WDFY3: variants seen among roughly 807,000 people sequenced by gnomAD.
The protein encoded by WDFY3 is WD repeat and FYVE domain-containing protein 3.
Under a neutral mutation model 409.6 loss-of-function variants are expected in WDFY3, and 66 were observed. That is an observed-to-expected ratio of 0.16 (90% CI 0.13 to 0.20). The LOEUF (loss-of-function observed/expected upper bound fraction) is 0.20, where lower values mean the gene tolerates loss of function less well. Among genes scored for constraint, WDFY3 ranks in the 10% least tolerant of loss-of-function variants. WDFY3 has a pLI of 1.00. For synonymous variants in WDFY3, 1,521 were observed against 1,537.1 expected (o/e 0.99, Z 0.25); for missense variants, 3,031 against 4,298.1 (o/e 0.71, Z 8.24).
chr4:84,786,075 C>G lies in WDFY3; in HGVS notation c.3966G>C (p.Val1322=), dbSNP rs761556122. 3 of 1,613,706 alleles carry G rather than the reference C, an allele frequency of 1.9e-6. No homozygotes were observed. The Admixed American group carries it at 5.0e-5, about 27-fold the overall frequency. The change falls in exon 24 of 68, where the codon GTG becomes GTC. Residue 1322 remains valine, a synonymous_variant. Transcript: ENST00000295888. ...CAGAGAGTGCATAGAGGCCAAATGA[C>G]ACTTTCTCCTCTGGTACTAATGACA... ...SPVSLVPEEK[V]SFGLYALSVS...
intron 36 of WDFY3, among the ~76,000 whole-genome samples, chr4:84,745,676 GA>G (rs1739307587): frequency 6.6e-6 from 1 of 152,108 alleles, no homozygotes; most frequent in Non-Finnish European, 1.5e-5. Context: ...CAGTGCTTAG[GA>G]GTTTGGTTTG....
At chr4:84,938,223 G>A (rs1579208168) in intron 1 of WDFY3, among the ~76,000 whole-genome samples, 1 of 152,046 alleles carries the variant, frequency 6.6e-6, no homozygotes, top group African/African-American at 2.4e-5. Context: ...TAAATAAACA[G>A]TTACTCTCTT....
At chr4:84,759,066 T>C (rs1003995373) in intron 32 of WDFY3, among the ~76,000 whole-genome samples, 2 of 152,200 alleles carry the variant, frequency 1.3e-5, no homozygotes, top group African/African-American at 4.8e-5. Context: ...AGGGAATCCT[T>C]TCCCCATTGC....
chr4:84,882,351 ATC>A (rs1322756320), intron 3 of WDFY3, among the ~76,000 whole-genome samples: 2 of 152,148 alleles, frequency 1.3e-5, no homozygotes, highest in Non-Finnish European at 2.9e-5. Flanking sequence ...GAGGTCAGTA[ATC>A]TGTTTCTTTA....
chr4:84,873,785 T>A (rs1043497080), intron 3 of WDFY3, among the ~76,000 whole-genome samples: 16 of 151,182 alleles, frequency 1.1e-4, no homozygotes, highest in Non-Finnish European at 1.8e-4. Context: ...TTTTTTTTTG[T>A]TTGTTTGTTT....
At position 84,810,271 on chromosome 4, in the gene WDFY3, A is replaced by G. The variant is rs1326857457; in HGVS notation, c.1961T>C (p.Ile654Thr). 1 of 1,613,784 alleles carries G rather than the reference A, an allele frequency of 6.2e-7. No individual in the cohort carries two copies. Among genetic ancestry groups the G allele is most frequent in the Admixed American group, 1.7e-5 (1 of 59,944 alleles). ...TTCCATAGCAACGAGCAAGGATGTA[A>G]TGTACACAAATCCTCCAACTTTCCT... The part of the protein sequence containing the change: ...VFRKVGGFVY[I>T]TSLLVAMERS... Residue 654 changes from isoleucine (I) to threonine (T), a missense_variant, in exon 14 of 68, where the codon ATT becomes ACT. Coordinates refer to ENST00000295888, the MANE Select transcript of WDFY3 (RefSeq NM_014991.6).
chr4:84,932,599 T>C (rs914698743), intron 1 of WDFY3, among the ~76,000 whole-genome samples: 1 of 152,216 alleles, frequency 6.6e-6, no homozygotes, highest in African/African-American at 2.4e-5. Context: ...ATTTTACTGA[T>C]AAGGAAACTT....
At chr4:84,831,185 C>CAAAAA (rs56810528) in intron 8 of WDFY3, among the ~76,000 whole-genome samples, 1 of 103,318 alleles carries the variant, frequency 9.7e-6, no homozygotes, top group Non-Finnish European at 1.8e-5. Flanking sequence ...AGACTCCATC[C>CAAAAA]AAAAAAAAAA....
intron 24 of WDFY3, among the ~76,000 whole-genome samples, chr4:84,785,633 T>C (rs1052231466): frequency 2.0e-5 from 3 of 152,234 alleles, no homozygotes; most frequent in Admixed American, 2.0e-4. Context: ...TGTCCTGAAC[T>C]GAATGTCACC....
chr4:84,746,223 G>C (rs1739427470), intron 36 of WDFY3, among the ~76,000 whole-genome samples: 1 of 151,714 alleles, frequency 6.6e-6, no homozygotes, highest in Admixed American at 6.6e-5. Context: ...AGGCTGAGTT[G>C]GGAGGATTGA....
chr4:84,677,155 G>C, intron 67 of WDFY3, 44 bp downstream of exon 67: 4 of 1,608,462 alleles, frequency 2.5e-6, no homozygotes, highest in Non-Finnish European at 3.4e-6. Flanking sequence ...AACAACCTTA[G>C]AGCTTAATCA....
chr4:84,817,512 G>A lies in WDFY3; in HGVS notation c.1767C>T (p.Ala589=). 1.2e-6 allele frequency: 2 copies of A among 1,613,828 alleles called. No homozygotes were observed. Among genetic ancestry groups the A allele is most frequent in the Non-Finnish European group, 1.7e-6 (2 of 1,179,824 alleles). The change falls in exon 13 of 68, where the codon GCC becomes GCT. Residue 589 remains alanine, a synonymous_variant. Coordinates refer to ENST00000295888, the MANE Select transcript of WDFY3 (RefSeq NM_014991.6). ...GCACCAGCTGTTGGATAGTCATCAA[G>A]GCATGCTGCCGGCATTGAGGGTACT... is the stretch of plus-strand genomic sequence containing the variant. ...IVKYPQCRQH[A]LMTIQQLVLS...
rs936425611 is a variant in WDFY3 at position 84,750,469 on chromosome 4, CA to C, written c.5973+1013del. Among the ~76,000 whole-genome samples the C allele has an allele frequency of 8.3e-3, 1,154 of 139,320 alleles. 10 individuals carry two copies. The highest frequency in any genetic ancestry group is 0.024 in the African/African-American group (907 of 38,122). The allele number at this position is 139,320 out of a possible 152,430, so 91.4% of individuals were successfully genotyped here. Reference sequence around the variant, plus strand: ...ACTGTACTAGCCACTAGAGGGAGCACAAAAAAAAAAAATCTCAGGTTCAGCT... The same window carrying C: ...ACTGTACTAGCCACTAGAGGGAGCACAAAAAAAAAAATCTCAGGTTCAGCT... On this transcript the variant is annotated intron_variant, in intron 36 of 67. Transcript: ENST00000295888.
At chr4:84,935,756 A>T (rs971102525) in intron 1 of WDFY3, among the ~76,000 whole-genome samples, 2 of 152,190 alleles carry the variant, frequency 1.3e-5, no homozygotes, top group African/African-American at 4.8e-5. Flanking sequence ...TAATCTACAG[A>T]CATCTTAAAG....
intron 34 of WDFY3, 93 bp from the exon 35 acceptor site, chr4:84,753,969 A>G: frequency 7.5e-7 from 1 of 1,328,224 alleles, no homozygotes; most frequent in Non-Finnish European, 9.8e-7. Flanking sequence ...TTCTTATGAA[A>G]CTGGATATAT....
At chr4:84,711,780 C>A (rs57757004) in intron 51 of WDFY3, among the ~76,000 whole-genome samples, 2 of 151,264 alleles carry the variant, frequency 1.3e-5, no homozygotes, top group African/African-American at 2.4e-5. Context: ...GAACCTGGGA[C>A]GCGGAGGCTG....
intron 21 of WDFY3, among the ~76,000 whole-genome samples, chr4:84,791,506 A>C (rs972094543): frequency 2.0e-5 from 3 of 152,190 alleles, no homozygotes; most frequent in Non-Finnish European, 2.9e-5. Context: ...GTCAACAATA[A>C]TGTTGTTGTA....
intron 1 of WDFY3, among the ~76,000 whole-genome samples, chr4:84,944,176 A>AT (rs1772504317): frequency 6.6e-6 from 1 of 152,216 alleles, no homozygotes; most frequent in Non-Finnish European, 1.5e-5. Context: ...ATAGCTTTAT[A>AT]TAAGTATTAT....
In WDFY3 at chr4:84,936,591, T is replaced by C. The variant is rs184982469; in HGVS notation, c.-225-4228A>G. On this transcript the variant is annotated intron_variant, in intron 1 of 67. Transcript: ENST00000295888. ...TTCCAAATAGCCCAGAAAGATTTTGTGGAGTCTCTTTCCAAACTTTATACA... is the reference window on the plus strand; with the variant it reads ...TTCCAAATAGCCCAGAAAGATTTTGCGGAGTCTCTTTCCAAACTTTATACA... Among the ~76,000 whole-genome samples, 520 of 152,242 alleles carry C rather than the reference T, an allele frequency of 3.4e-3. 12 individuals are homozygous for C. The highest frequency in any genetic ancestry group is 0.033 in the Admixed American group (501 of 15,264).
Sources: gnomAD v4.1 joint callset for allele counts (sites outside exome capture counted in the v4.1 genomes callset) on GRCh38, gnomAD v4.1.1 for gene constraint, MANE v1.5 for transcripts, NCBI Gene and HGNC (gene_info 2026-07-23, HGNC 2026-07-21) for gene names.